Variants in LRPAP1 observed in about 807,000 individuals in gnomAD.
LRPAP1 encodes alpha-2-macroglobulin receptor-associated protein.
Under a neutral mutation model 39.9 loss-of-function variants are expected in LRPAP1, and 41 were observed. The ratio of observed to expected loss-of-function variants is 1.03; its 90% CI spans 0.80 to 1.33. The LOEUF is 1.33. Among genes scored for constraint, LRPAP1 ranks in the 40% most tolerant of loss-of-function variants. The pLI, the probability that LRPAP1 is intolerant of heterozygous loss-of-function variation, is 0.00. For missense variants in LRPAP1, 565 were observed against 482.3 expected (o/e 1.17, Z -1.61); for synonymous variants, 263 against 212.7 (o/e 1.24, Z -2.06).
chr4:3,524,567 C>A (rs1286410575), intron 2 of LRPAP1, among the ~76,000 whole-genome samples: 1 of 152,224 alleles, frequency 6.6e-6, no homozygotes, highest in African/African-American at 2.4e-5. Context: ...GAGGATAGCC[C>A]CCCGCAGGCT....
intron 2 of LRPAP1, among the ~76,000 whole-genome samples, chr4:3,524,473 C>G (rs73197144): frequency 0.019 from 2,896 of 152,346 alleles, 42 homozygotes; most frequent in Middle Eastern, 0.078. Flanking sequence ...GCACCCAGAG[C>G]CCCTGCCTTG....
Position 3,513,317 on chromosome 4 carries a change from A to G in LRPAP1, c.1012-281T>C, listed in dbSNP as rs191231203. Reference sequence around the variant, plus strand: ...CTGTGATAGGCCCATGGTGTTATTTATTTACTTACTGAAAGGGTCTCGCTC... The same window carrying G: ...CTGTGATAGGCCCATGGTGTTATTTGTTTACTTACTGAAAGGGTCTCGCTC... On this transcript the variant is annotated intron_variant, in intron 7 of 7. Transcript: ENST00000650182. Among the ~76,000 whole-genome samples the G allele has an allele frequency of 1.6e-3, 245 of 152,252 alleles. 1 individual carries two copies. Among genetic ancestry groups the G allele is most frequent in the African/African-American group, 4.9e-3 (204 of 41,542 alleles).
At chr4:3,529,271 C>T (rs1420510840) in intron 1 of LRPAP1, among the ~76,000 whole-genome samples, 6 of 151,910 alleles carry the variant, frequency 3.9e-5, no homozygotes, top group Non-Finnish European at 7.4e-5. Context: ...TGCAGTGAGC[C>T]GAGATCACGC....
Position 3,512,660 on chromosome 4 carries a change from T to C in LRPAP1, c.*314A>G, listed in dbSNP as rs1457652600. 21 of 378,258 alleles carry C rather than the reference T, an allele frequency of 5.6e-5. No homozygotes were observed. In the South Asian group the frequency reaches 9.7e-4, roughly 18 times the overall value. The allele number at this position is 378,258 out of a possible 1,614,324, so 23.4% of individuals were successfully genotyped here. A position where few individuals can be genotyped will look rare whatever the true frequency, so the allele number is the denominator to read the frequency against. Reference sequence around the variant, plus strand: ...ATTTTTTATGTAAATCGTGTTGTTTTAGCAGAGGACTATCAGACCTGACAG... The same window carrying C: ...ATTTTTTATGTAAATCGTGTTGTTTCAGCAGAGGACTATCAGACCTGACAG... On this transcript the variant is annotated 3_prime_UTR_variant, in exon 8 of 8. Coordinates refer to ENST00000650182, the MANE Select transcript of LRPAP1 (RefSeq NM_002337.4).
In LRPAP1 at chr4:3,525,047, T is replaced by A. The variant is rs764095933; in HGVS notation, c.209A>T (p.His70Leu). The change falls in exon 2 of 8, where the codon CAT (histidine) becomes CTT (leucine). Residue 70 changes from histidine to leucine, a missense_variant. Physicochemically the swap from His to Leu is moderately conservative, Grantham distance 99. Coordinates refer to ENST00000650182, the MANE Select transcript of LRPAP1 (RefSeq NM_002337.4). ...CTCGGCCAGCCTCACGGGAGGAAGATGCAGCTGCGAACGAAGGGGAGGAGC... is the reference window on the plus strand; with the variant it reads ...CTCGGCCAGCCTCACGGGAGGAAGAAGCAGCTGCGAACGAAGGGGAGGAGC... ...NQLWEKAQRL[H>L]LPPVRLAELH... 1.2e-6 allele frequency: 2 copies of A among 1,613,902 alleles called. No homozygotes were observed. Among genetic ancestry groups the A allele is most frequent in the Non-Finnish European group, 1.7e-6 (2 of 1,180,012 alleles).
rs1346221669 is a variant in LRPAP1, at chr4:3,514,810, C to T, written c.953G>A (p.Ser318Asn). Residue 318 changes from serine (S) to asparagine (N), a missense_variant, in exon 7 of 8, where the codon AGC becomes AAC. Ser to Asn is a conservative substitution (Grantham distance 46). Transcript: ENST00000650182. ...CAGGGCGTGCTTCTCGCGGCTGCGG[C>T]TCACACGCTCGCCGTCGCCCACGCT... The part of the protein sequence containing the change: ...AESVGDGERV[S>N]RSREKHALLE... 1 of 1,613,262 alleles carries T rather than the reference C, an allele frequency of 6.2e-7. No homozygotes were observed.
Position 3,508,107 on chromosome 4 carries a change from G to C in LRPAP1, c.*4867C>G, listed in dbSNP as rs1335099922. The C allele has an allele frequency of 1.3e-5, 2 of 152,218 alleles. No individual in the cohort carries two copies. Among genetic ancestry groups the C allele is most frequent in the Non-Finnish European group, 2.9e-5 (2 of 68,080 alleles). The allele number at this position is 152,218 out of a possible 1,614,324, so 9.4% of individuals were successfully genotyped here. A position where few individuals can be genotyped will look rare whatever the true frequency, so the allele number is the denominator to read the frequency against. On this transcript the variant is annotated 3_prime_UTR_variant, in exon 8 of 8. Transcript: ENST00000650182. ...TGCAACCTCCACCTCCTGAGTTCAA[G>C]TGATTCTCCTGCCTCAGCCTCCAGA...
At position 3,513,006 on chromosome 4, in the gene LRPAP1, T is replaced by C. The variant is rs1479090286; in HGVS notation, c.1042A>G (p.Arg348Gly). The C allele has an allele frequency of 6.2e-7, 1 of 1,612,830 alleles. No individual in the cohort carries two copies. The highest frequency in any genetic ancestry group is 8.5e-7 in the Non-Finnish European group (1 of 1,179,574). The change falls in exon 8 of 8, where the codon AGG becomes GGG. Residue 348 changes from arginine (R) to glycine (G), a missense_variant. Arg to Gly is a moderately radical substitution (Grantham distance 125). Coordinates refer to ENST00000650182, the MANE Select transcript of LRPAP1 (RefSeq NM_002337.4). ...TCGTTGTGCCGAGCTCTGGAGATCC[T>C]GCCGGACAGGTCCTGCAGATGCTTC... is the stretch of plus-strand genomic sequence containing the variant. Reference protein sequence around the residue: ...VKKHLQDLSGRISRARHNEL With the variant: ...VKKHLQDLSGGISRARHNEL
intron 4 of LRPAP1, 88 bp downstream of exon 4, chr4:3,518,783 A>T: frequency 1.1e-6 from 1 of 880,640 alleles, no homozygotes; most frequent in Non-Finnish European, 1.7e-6. Flanking sequence ...GAGGCTGCCC[A>T]CTGAGCACAA....
rs1465616336 is a variant in LRPAP1, at chr4:3,512,771, C to T, written c.*203G>A. On this transcript the variant is annotated 3_prime_UTR_variant, in exon 8 of 8. Coordinates refer to ENST00000650182, the MANE Select transcript of LRPAP1 (RefSeq NM_002337.4). ...CAAGCCCCTTCAGTCAGAGCTGGGC[C>T]GATCTCAGACCCAAATGCTACCACC... 6 of 583,786 alleles carry T rather than the reference C, an allele frequency of 1.0e-5. No individual in the cohort carries two copies. Among genetic ancestry groups the T allele is most frequent in the Admixed American group, 6.3e-5 (2 of 31,962 alleles). The allele number at this position is 583,786 out of a possible 1,614,324, so 36.2% of individuals were successfully genotyped here. A position where few individuals can be genotyped will look rare whatever the true frequency, so the allele number is the denominator to read the frequency against.
At chr4:3,516,367 G>C (rs572270741) in intron 5 of LRPAP1, among the ~76,000 whole-genome samples, 169 bp from the exon 6 acceptor site, 1 of 94,770 alleles carries the variant, frequency 1.1e-5, no homozygotes, top group Non-Finnish European at 2.4e-5. Flanking sequence ...GGCACAGAGG[G>C]CATCTGCTCA....
chr4:3,517,114 C>T (rs965099155), intron 5 of LRPAP1, among the ~76,000 whole-genome samples: 6 of 73,572 alleles, frequency 8.2e-5, no homozygotes, highest in South Asian at 6.3e-4. Context: ...CAAAAGCCTA[C>T]GGCTGACAGT....
intron 1 of LRPAP1, among the ~76,000 whole-genome samples, chr4:3,530,882 C>T (rs1273007152): frequency 1.3e-5 from 2 of 152,130 alleles, no homozygotes; most frequent in Non-Finnish European, 2.9e-5. Flanking sequence ...ACTTCCTCAG[C>T]GCCACCTCCA....
chr4:3,519,075 C>T, intron 3 of LRPAP1, 84 bp from the exon 4 acceptor site: 1 of 1,560,244 alleles, frequency 6.4e-7, no homozygotes, highest in African/African-American at 1.4e-5. Flanking sequence ...TCCTCATGGC[C>T]AGGCAGGCCC....
intron 5 of LRPAP1, chr4:3,517,711 T>G (rs1255331938): frequency 4.1e-6 from 1 of 244,812 alleles, no homozygotes; most frequent in Non-Finnish European, 7.8e-6. Flanking sequence ...ACGAGTGGTC[T>G]CTGTTCTTGG....
chr4:3,515,010 G>A (rs1358567971), intron 6 of LRPAP1, 82 bp from the exon 7 acceptor site: 23 of 1,498,772 alleles, frequency 1.5e-5, no homozygotes, highest in Admixed American at 5.3e-5. Flanking sequence ...CTGCAAGGAC[G>A]CCAAAGGACG....
intron 1 of LRPAP1, among the ~76,000 whole-genome samples, chr4:3,526,539 C>T (rs1730083429): frequency 6.6e-6 from 1 of 152,258 alleles, no homozygotes; most frequent in South Asian, 2.1e-4. Flanking sequence ...CAAGAGCCGG[C>T]TGCCTTCCCA....
At chr4:3,523,748 C>T (rs1434398322) in intron 2 of LRPAP1, among the ~76,000 whole-genome samples, 2 of 152,228 alleles carry the variant, frequency 1.3e-5, no homozygotes, top group Non-Finnish European at 2.9e-5. Flanking sequence ...ATGCCTGAGG[C>T]CATCAGCGCG....
At chr4:3,514,657 C>A in intron 7 of LRPAP1, 95 bp downstream of exon 7, 1 of 1,445,202 alleles carries the variant, frequency 6.9e-7, no homozygotes, top group East Asian at 2.3e-5. Context: ...GTGGGGCCCA[C>A]ACCCCATCTA....
Sources: gnomAD v4.1 joint callset for allele counts (sites outside exome capture counted in the v4.1 genomes callset) on GRCh38, gnomAD v4.1.1 for gene constraint, MANE v1.5 for transcripts, NCBI Gene and HGNC (gene_info 2026-07-23, HGNC 2026-07-21) for gene names.